The following OPRM1 variants were observed in gnomAD, a reference collection of about 807,000 sequenced individuals.
OPRM1 encodes opioid receptor mu 1, also known as mu-type opioid receptor.
In OPRM1, 27 loss-of-function variants were observed where a neutral mutation model predicts 31.8. That is an observed-to-expected ratio of 0.85 (90% CI 0.63 to 1.17). The LOEUF is 1.17. OPRM1 is among the 50% of genes most tolerant of loss of function. The probability of loss-of-function intolerance (pLI) is 0.00; values close to 1 mark genes in which losing one functional copy is unlikely to be tolerated. For missense variants in OPRM1, 536 were observed against 511.1 expected (o/e 1.05, Z -0.47); for synonymous variants, 196 against 189.9 (o/e 1.03, Z -0.26).
intron 1 of OPRM1, among the ~76,000 whole-genome samples, chr6:154,059,805 G>A (rs73026640): frequency 6.6e-6 from 1 of 152,116 alleles, no homozygotes; most frequent in Non-Finnish European, 1.5e-5. Flanking sequence ...GTGTCTCAGT[G>A]TTCCATTTCT....
chr6:154,084,651 T>C (rs1296218121), intron 1 of OPRM1, among the ~76,000 whole-genome samples: 1 of 152,136 alleles, frequency 6.6e-6, no homozygotes, highest in Non-Finnish European at 1.5e-5. Flanking sequence ...CTAAAAAGGT[T>C]AATTTCTATG....
chr6:154,164,750 C>T (rs551464088), intron 3 of OPRM1, among the ~76,000 whole-genome samples: 4 of 152,294 alleles, frequency 2.6e-5, no homozygotes, highest in African/African-American at 9.6e-5. Flanking sequence ...CAGAGTAACT[C>T]AGAGAGAGTT....
At chr6:154,216,481 T>C (rs570521185) in intron 3 of OPRM1, among the ~76,000 whole-genome samples, 2 of 152,332 alleles carry the variant, frequency 1.3e-5, no homozygotes, top group South Asian at 4.1e-4. Context: ...GAATAGTATG[T>C]TTAGCCTGAT....
intron 1 of OPRM1, among the ~76,000 whole-genome samples, chr6:154,013,349 A>T (rs1236329632): frequency 1.3e-5 from 2 of 152,044 alleles, no homozygotes; most frequent in Non-Finnish European, 2.9e-5. Context: ...TTCGCCTGTG[A>T]GAGAGAGAAT....
At chr6:154,160,128 A>C (rs1213234816) in intron 3 of OPRM1, 27 of 977,680 alleles carry the variant, frequency 2.8e-5, no homozygotes, top group Non-Finnish European at 4.2e-5. Context: ...TTACAAGTAC[A>C]CATATACATA....
At chr6:154,141,776 G>C (rs1042343055) in intron 3 of OPRM1, among the ~76,000 whole-genome samples, 27 of 152,212 alleles carry the variant, frequency 1.8e-4, no homozygotes, top group African/African-American at 5.5e-4. Context: ...TTCCAAAGGA[G>C]GCCATCAGAT....
At chr6:154,182,568 T>C (rs1398150201) in intron 3 of OPRM1, among the ~76,000 whole-genome samples, 1 of 152,218 alleles carries the variant, frequency 6.6e-6, no homozygotes, top group Non-Finnish European at 1.5e-5. Context: ...AATTACTATG[T>C]TTCCTCATAT....
At chr6:154,036,758 C>A (rs1349032433), upstream of OPRM1, among the ~76,000 whole-genome samples, 1 of 151,324 alleles carries the variant, frequency 6.6e-6, no homozygotes, top group Non-Finnish European at 1.5e-5. Flanking sequence ...TATTTATCAC[C>A]CAGATTGCAT....
intron 1 of OPRM1, among the ~76,000 whole-genome samples, chr6:154,011,799 T>A (rs1422687553): frequency 1.3e-5 from 2 of 152,086 alleles, no homozygotes; most frequent in African/African-American, 4.8e-5. Flanking sequence ...GGACAACTAA[T>A]ACAGATGGTA....
Position 154,211,089 on chromosome 6 carries a change from G to C in OPRM1, c.1165-35604G>C, listed in dbSNP as rs140182737. On this transcript the variant is annotated intron_variant, in intron 3 of 3. Transcript: ENST00000337049. ...CCTGTCAGAACTTGCCATCATTTGG[G>C]TCTATAATGGACAGGTGTCATGGTT... 7.5e-4 allele frequency among the ~76,000 whole-genome samples: 114 copies of C among 152,288 alleles called. 1 individual carries two copies. In the East Asian group the frequency reaches 0.016, roughly 21 times the overall value.
intron 3 of OPRM1, among the ~76,000 whole-genome samples, chr6:154,211,438 AG>A (rs1777957646): frequency 6.6e-6 from 1 of 152,010 alleles, no homozygotes; most frequent in South Asian, 2.1e-4. Flanking sequence ...AAAAAGGAAA[AG>A]CATGTCCTAT....
chr6:154,214,278 T>TA, intron 3 of OPRM1: 12 of 1,605,046 alleles, frequency 7.5e-6, no homozygotes, highest in Non-Finnish European at 1.0e-5. Context: ...TTTAACCACC[T>TA]AAAATTCAAA....
chr6:154,198,226 C>T (rs1296716634), intron 3 of OPRM1, among the ~76,000 whole-genome samples: 1 of 152,120 alleles, frequency 6.6e-6, no homozygotes, highest in Non-Finnish European at 1.5e-5. Flanking sequence ...TGACTTGCAC[C>T]ATTGAACTCA....
intron 3 of OPRM1, among the ~76,000 whole-genome samples, chr6:154,195,349 A>ATGT: frequency 6.6e-6 from 1 of 151,946 alleles, no homozygotes; most frequent in African/African-American, 2.4e-5. Context: ...GGGTTTCACC[A>ATGT]TGTTAGCCAG....
Position 154,121,853 on chromosome 6 carries a change from A to G in OPRM1, c.*3132A>G, listed in dbSNP as rs976566286. 2.0e-5 allele frequency among the ~76,000 whole-genome samples: 3 copies of G among 152,250 alleles called. No homozygotes were observed. The highest frequency in any genetic ancestry group is 2.9e-5 in the Non-Finnish European group (2 of 68,036). Reference sequence around the variant, plus strand: ...AGTCAAGTCTATTTATACGTTTAAAAGCTAAAAACAAGATCTTTTTGGTAA... The same window carrying G: ...AGTCAAGTCTATTTATACGTTTAAAGGCTAAAAACAAGATCTTTTTGGTAA... On this transcript the variant is annotated 3_prime_UTR_variant, in exon 4 of 4. Coordinates refer to ENST00000330432, the MANE Select transcript of OPRM1 (RefSeq NM_000914.5).
chr6:154,244,301 GGTGTGT>G (rs10674508), intron 3 of OPRM1, among the ~76,000 whole-genome samples: 3 of 148,058 alleles, frequency 2.0e-5, no homozygotes, highest in Admixed American at 6.7e-5. Context: ...TGTGTGGGTG[GGTGTGT>G]GTGTGTGTGT....
chr6:154,091,375 C>T lies in OPRM1; in HGVS notation c.1067C>T (p.Thr356Ile). ...TGCTTCAGAGAGTTCTGTATCCCAA[C>T]CTCTTCCAACATTGAGCAACAAAAC... ...KRCFREFCIP[T>I]SSNIEQQNST... The change falls in exon 3 of 4, where the codon ACC becomes ATC. Residue 356 changes from threonine (T) to isoleucine (I), a missense_variant. Physicochemically the swap from Thr to Ile is moderately conservative, Grantham distance 89. Coordinates refer to ENST00000330432, the MANE Select transcript of OPRM1 (RefSeq NM_000914.5). 1 of 1,614,194 alleles carries T rather than the reference C, an allele frequency of 6.2e-7. No homozygotes were observed. Among genetic ancestry groups the T allele is most frequent in the African/African-American group, 1.3e-5 (1 of 75,064 alleles).
At position 154,168,947 on chromosome 6, in the gene OPRM1, A is replaced by G. The variant is rs1300758712; in HGVS notation, c.1164+77475A>G. ...GAGGGACACAATTCAACCCATACAT[A>G]GTCCACCCTCCGGCCTCCTAAATTC... is the stretch of plus-strand genomic sequence containing the variant. On this transcript the variant is annotated intron_variant, in intron 3 of 3. Transcript: ENST00000337049. This position sits in a 1 kb window ranked among gnomAD's most constrained non-coding sequence, Gnocchi z 4.1. Among the ~76,000 whole-genome samples, 1 of 152,116 alleles carries G rather than the reference A, an allele frequency of 6.6e-6. No individual in the cohort carries two copies. Among genetic ancestry groups the G allele is most frequent in the Non-Finnish European group, 1.5e-5 (1 of 68,012 alleles).
At position 154,118,724 on chromosome 6, in the gene OPRM1, G is replaced by C; in HGVS notation, c.*3G>C. On this transcript the variant is annotated 3_prime_UTR_variant, in exon 4 of 4. Transcript: ENST00000330432. ...CAGAAACTGCTCCGTTGCCCTAACAGGGTCTCATGCCATTCCGACCTTCAC... is the reference window on the plus strand; with the variant it reads ...CAGAAACTGCTCCGTTGCCCTAACACGGTCTCATGCCATTCCGACCTTCAC... The C allele has an allele frequency of 4.3e-6, 7 of 1,613,178 alleles. No homozygotes were observed. Among genetic ancestry groups the C allele is most frequent in the Non-Finnish European group, 5.9e-6 (7 of 1,179,542 alleles).
Sources: allele counts gnomAD v4.1 joint callset (sites outside exome capture counted in the v4.1 genomes callset), GRCh38; gene constraint gnomAD v4.1.1; non-coding constraint Gnocchi (gnomAD v3.1); transcripts MANE v1.5; gene names NCBI Gene and HGNC (gene_info 2026-07-23, HGNC 2026-07-21).